Variants in GPC5 observed in about 807,000 individuals in gnomAD.
The protein encoded by GPC5 is glypican-5.
In GPC5, 47 loss-of-function variants were observed where a neutral mutation model predicts 53.9. The ratio of observed to expected loss-of-function variants is 0.87; its 90% CI spans 0.69 to 1.11. The LOEUF is 1.11. Among genes scored for constraint, GPC5 ranks in the 50% most tolerant of loss-of-function variants. The pLI is 0.00. For synonymous variants in GPC5, 286 were observed against 263.3 expected (o/e 1.09, Z -0.84); for missense variants, 748 against 713.1 (o/e 1.05, Z -0.56).
At chr13:92,367,140 A>G (rs1188592127) in intron 7 of GPC5, among the ~76,000 whole-genome samples, 2 of 152,170 alleles carry the variant, frequency 1.3e-5, no homozygotes, top group African/African-American at 4.8e-5. Context: ...AAAATGGAAA[A>G]TGGGAAAATC....
intron 7 of GPC5, among the ~76,000 whole-genome samples, chr13:92,299,624 T>C (rs1360914818): frequency 6.6e-6 from 1 of 152,190 alleles, no homozygotes; most frequent in Non-Finnish European, 1.5e-5. Context: ...TAGGAAGATT[T>C]ATCTTTTTTC....
At chr13:92,438,737 T>C (rs1270550491) in intron 7 of GPC5, among the ~76,000 whole-genome samples, 1 of 152,012 alleles carries the variant, frequency 6.6e-6, no homozygotes, top group African/African-American at 2.4e-5. Flanking sequence ...GTTGACATAT[T>C]GAGGGAATTT....
intron 6 of GPC5, among the ~76,000 whole-genome samples, chr13:92,063,720 AC>A (rs1488637449): frequency 2.0e-5 from 3 of 152,160 alleles, no homozygotes; most frequent in African/African-American, 7.2e-5. Flanking sequence ...AGTTTTCCTG[AC>A]TAGTAAGCTA....
intron 6 of GPC5, among the ~76,000 whole-genome samples, chr13:92,118,729 C>A (rs1168815078): frequency 1.3e-5 from 2 of 152,156 alleles, no homozygotes; most frequent in Non-Finnish European, 2.9e-5. Context: ...TTATTGCTCA[C>A]TTTTAAGAGT....
intron 7 of GPC5, among the ~76,000 whole-genome samples, chr13:92,842,762 T>C (rs1878474535): frequency 6.6e-6 from 1 of 151,588 alleles, no homozygotes; most frequent in Non-Finnish European, 1.5e-5. Context: ...AACAGAAATA[T>C]ATTCATCAGC....
intron 7 of GPC5, among the ~76,000 whole-genome samples, chr13:92,335,895 C>T (rs1566544123): frequency 1.3e-5 from 2 of 152,156 alleles, no homozygotes; most frequent in Non-Finnish European, 2.9e-5. Context: ...CCAACCTCTT[C>T]ATGTCTTCTG....
chr13:91,505,408 C>T (rs1884887587), intron 2 of GPC5, among the ~76,000 whole-genome samples: 1 of 152,202 alleles, frequency 6.6e-6, no homozygotes, highest in African/African-American at 2.4e-5. Context: ...CCCAATTCCA[C>T]CATCTGCAGA....
intron 3 of GPC5, among the ~76,000 whole-genome samples, chr13:91,719,956 A>G (rs2036428850): frequency 6.6e-6 from 1 of 152,212 alleles, no homozygotes. Flanking sequence ...TGTCAAATTC[A>G]GGTTATATGT....
At chr13:92,457,400 G>A (rs1385449092) in intron 7 of GPC5, among the ~76,000 whole-genome samples, 1 of 151,958 alleles carries the variant, frequency 6.6e-6, no homozygotes, top group Non-Finnish European at 1.5e-5. Flanking sequence ...CTGCTTACTA[G>A]ATTACCAGCA....
intron 5 of GPC5, among the ~76,000 whole-genome samples, chr13:91,820,849 G>A (rs1253795451): frequency 6.6e-6 from 1 of 152,010 alleles, no homozygotes; most frequent in Non-Finnish European, 1.5e-5. Context: ...TGTAGTCACA[G>A]CTACTCGGGA....
chr13:91,673,144 C>T (rs1169854258), intron 2 of GPC5, among the ~76,000 whole-genome samples: 5 of 151,992 alleles, frequency 3.3e-5, no homozygotes, highest in Non-Finnish European at 7.4e-5. Flanking sequence ...ACCAGCATGG[C>T]ACGCATATAC....
At chr13:91,806,114 C>A (rs1836544663) in intron 5 of GPC5, among the ~76,000 whole-genome samples, 1 of 134,048 alleles carries the variant, frequency 7.5e-6, no homozygotes. Context: ...CTGCTCACTG[C>A]AACCTCCACC....
intron 7 of GPC5, among the ~76,000 whole-genome samples, chr13:92,787,754 A>T (rs1377563245): frequency 6.6e-6 from 1 of 150,812 alleles, no homozygotes; most frequent in East Asian, 2.0e-4. Flanking sequence ...ACACATACTT[A>T]TAGTCCCAGC....
chr13:92,241,181 T>A (rs779319796), intron 7 of GPC5: 4 of 152,056 alleles, frequency 2.6e-5, no homozygotes, highest in Non-Finnish European at 4.4e-5. Context: ...CAGAATCAAA[T>A]AAAAGAAGAT....
At chr13:91,609,931 C>T (rs919644229) in intron 2 of GPC5, among the ~76,000 whole-genome samples, 3 of 152,128 alleles carry the variant, frequency 2.0e-5, no homozygotes, top group Non-Finnish European at 4.4e-5. Context: ...TTGGCCAGGG[C>T]GATTCAAAGA....
intron 7 of GPC5, among the ~76,000 whole-genome samples, chr13:92,265,085 G>A (rs1329142691): frequency 6.6e-6 from 1 of 151,882 alleles, no homozygotes; most frequent in Non-Finnish European, 1.5e-5. Context: ...AATGCCTTTG[G>A]TGTCATTCTC....
chr13:91,695,813 A>C (rs2035868615), intron 3 of GPC5, among the ~76,000 whole-genome samples: 1 of 152,216 alleles, frequency 6.6e-6, no homozygotes, highest in Non-Finnish European at 1.5e-5. Context: ...GATATATGTA[A>C]GTGAATAGGT....
chr13:91,503,800 A>ATAATAT (rs1300118611), intron 2 of GPC5, among the ~76,000 whole-genome samples: 1 of 145,830 alleles, frequency 6.9e-6, no homozygotes, highest in Non-Finnish European at 1.5e-5. Context: ...AATAATAATA[A>ATAATAT]TAATAATAAT....
intron 1 of GPC5, among the ~76,000 whole-genome samples, chr13:91,410,869 G>A (rs1041261779): frequency 2.6e-5 from 4 of 152,074 alleles, no homozygotes; most frequent in Non-Finnish European, 4.4e-5. Flanking sequence ...TCAGCACTTT[G>A]GGAGGCTGAG....
Sources: gnomAD v4.1 joint callset for allele counts (sites outside exome capture counted in the v4.1 genomes callset) on GRCh38, gnomAD v4.1.1 for gene constraint, MANE v1.5 for transcripts, NCBI Gene and HGNC (gene_info 2026-07-23, HGNC 2026-07-21) for gene names.